Variants in NBAS observed in about 807,000 individuals in gnomAD.
The protein encoded by NBAS is NAG/BC035112 fusion.
A neutral mutation model predicts 302.5 loss-of-function variants in NBAS; 219 were observed. The ratio of observed to expected loss-of-function variants is 0.72; its 90% CI spans 0.65 to 0.81. The LOEUF is 0.81. Ranked by LOEUF, NBAS falls within the 30% of genes least tolerant of loss-of-function variation. The pLI is 0.00. For synonymous variants in NBAS, 1,118 were observed against 1,021.6 expected, an observed-to-expected ratio of 1.09 and a Z score of -1.80; for missense variants, 2,932 against 2,841.6, an observed-to-expected ratio of 1.03 and a Z score of -0.72.
chr2:14,906,354 G>A, the NBAS span, among the ~76,000 whole-genome samples: 1 of 152,202 alleles, frequency 6.6e-6, no homozygotes, highest in African/African-American at 2.4e-5. Flanking sequence ...AGATAAGCAA[G>A]ATCAAATAGC....
the NBAS span, among the ~76,000 whole-genome samples, chr2:14,976,796 A>C: frequency 6.6e-6 from 1 of 152,216 alleles, no homozygotes; most frequent in African/African-American, 2.4e-5. Context: ...AGATGAAGGC[A>C]GTGATTGAAG....
At chr2:15,002,031 C>T in the NBAS span, among the ~76,000 whole-genome samples, 3 of 152,106 alleles carry the variant, frequency 2.0e-5, no homozygotes, top group Admixed American at 6.5e-5. Flanking sequence ...TTTGACAGGG[C>T]GCTGATTGGT....
At chr2:14,893,436 A>G in the NBAS span, among the ~76,000 whole-genome samples, 1 of 151,266 alleles carries the variant, frequency 6.6e-6, no homozygotes, top group Non-Finnish European at 1.5e-5. Context: ...TTTAAGATGG[A>G]TTTCTTTCTT....
the NBAS span, among the ~76,000 whole-genome samples, chr2:14,906,869 C>T: frequency 3.0e-4 from 46 of 152,212 alleles, no homozygotes; most frequent in Non-Finnish European, 4.7e-4. Flanking sequence ...TTAATATTGA[C>T]GACAAGAGAC....
chr2:15,507,881 T>C (rs1016215406), intron 10 of NBAS, among the ~76,000 whole-genome samples: 3 of 152,204 alleles, frequency 2.0e-5, no homozygotes, highest in Admixed American at 6.5e-5. Context: ...AATACACATA[T>C]TGAATTTTGC....
chr2:15,067,249 G>A, the NBAS span, among the ~76,000 whole-genome samples: 54 of 151,708 alleles, frequency 3.6e-4, no homozygotes, highest in African/African-American at 1.2e-3. Flanking sequence ...GGAGGCTGAT[G>A]GGGGAGGATC....
intron 51 of NBAS, among the ~76,000 whole-genome samples, chr2:15,175,728 C>T (rs533280073): frequency 4.3e-4 from 65 of 152,268 alleles, no homozygotes; most frequent in African/African-American, 1.1e-3. Flanking sequence ...AAAGGTTACA[C>T]GCACCAGAGG....
the NBAS span, chr2:14,907,563 C>T: frequency 8.5e-5 from 13 of 152,262 alleles, no homozygotes; most frequent in Admixed American, 6.5e-4. Context: ...GCAAGCAGTT[C>T]TTTTCCTACC....
intron 38 of NBAS, among the ~76,000 whole-genome samples, chr2:15,316,192 C>T (rs1420882105): frequency 1.3e-5 from 2 of 152,200 alleles, no homozygotes; most frequent in African/African-American, 2.4e-5. Context: ...GAATATAAAG[C>T]ATTGTCTAAA....
chr2:15,020,935 AC>A, the NBAS span, among the ~76,000 whole-genome samples: 1 of 152,200 alleles, frequency 6.6e-6, no homozygotes, highest in Admixed American at 6.5e-5. Context: ...TGGGTGCTGT[AC>A]AAAAAGCTGA....
In NBAS at chr2:15,423,423, T is replaced by C. The variant is rs907182414; in HGVS notation, c.2577+892A>G. On this transcript the variant is annotated intron_variant, in intron 23 of 51. Coordinates refer to ENST00000281513, the MANE Select transcript of NBAS (RefSeq NM_015909.4). ...AGGTTAAGCAGAAATTCAAGAAATC[T>C]ATCATGTGGAAGCACATGGGTCATG... is the stretch of plus-strand genomic sequence containing the variant. 2.0e-5 allele frequency among the ~76,000 whole-genome samples: 3 copies of C among 152,144 alleles called. No homozygotes were observed. The South Asian group carries it at 6.2e-4, about 31-fold the overall frequency.
At chr2:14,857,537 T>G in the NBAS span, among the ~76,000 whole-genome samples, 1 of 152,260 alleles carries the variant, frequency 6.6e-6, no homozygotes, top group East Asian at 1.9e-4. Context: ...TACAGTGAAC[T>G]TATTTTGACA....
intron 11 of NBAS, among the ~76,000 whole-genome samples, chr2:15,495,824 T>C (rs951963590): frequency 3.3e-5 from 5 of 152,152 alleles, no homozygotes; most frequent in East Asian, 1.9e-4. Context: ...GGAAACACCA[T>C]ACTCTGACAT....
At chr2:14,898,477 C>T in the NBAS span, among the ~76,000 whole-genome samples, 45 of 152,242 alleles carry the variant, frequency 3.0e-4, no homozygotes, top group African/African-American at 9.1e-4. Context: ...GTTTCTAAGC[C>T]GCATAGTAAG....
At chr2:15,193,586 A>AT (rs1287919605) in intron 48 of NBAS, among the ~76,000 whole-genome samples, 1 of 152,120 alleles carries the variant, frequency 6.6e-6, no homozygotes, top group East Asian at 1.9e-4. Flanking sequence ...ATCCTTTAAG[A>AT]TTTTTTGCAA....
chr2:15,561,243 G>A lies in NBAS; in HGVS notation c.62C>T (p.Thr21Met), dbSNP rs1378549844. The A allele has an allele frequency of 5.6e-6, 9 of 1,613,890 alleles. No individual in the cohort carries two copies. The highest frequency in any genetic ancestry group is 6.8e-6 in the Non-Finnish European group (8 of 1,180,040). The change falls in exon 1 of 52, where the codon ACG (threonine) becomes ATG (methionine). Residue 21 changes from threonine to methionine, a missense_variant. Thr to Met is a moderately conservative substitution (Grantham distance 81). Coordinates refer to ENST00000281513, the MANE Select transcript of NBAS (RefSeq NM_015909.4). ...SPGTAEGEEE[T>M]ILYDLLVNTE... is the part of the protein sequence containing the mutation. ...GTTGACCAACAAGTCATAGAGAATC[G>A]TCTCCTCCTCACCCTCTGCAGTGCC...
chr2:15,386,995 A>C (rs1248366954), intron 28 of NBAS, among the ~76,000 whole-genome samples: 1 of 152,182 alleles, frequency 6.6e-6, no homozygotes, highest in Non-Finnish European at 1.5e-5. Context: ...CATAATACTG[A>C]CACAAAGTAT....
chr2:15,225,463 G>GA (rs936250814), intron 47 of NBAS, among the ~76,000 whole-genome samples: 14 of 151,638 alleles, frequency 9.2e-5, no homozygotes, highest in African/African-American at 2.9e-4. Flanking sequence ...CAGGAAGAAG[G>GA]AAAAAAAATC....
chr2:15,202,218 A>C (rs1286789021), intron 48 of NBAS, among the ~76,000 whole-genome samples: 2 of 152,210 alleles, frequency 1.3e-5, no homozygotes, highest in Non-Finnish European at 2.9e-5. Context: ...CACAGAATCC[A>C]ACAACTGCAA....
Sources: gnomAD v4.1 joint callset for allele counts (sites outside exome capture counted in the v4.1 genomes callset) on GRCh38, gnomAD v4.1.1 for gene constraint, MANE v1.5 for transcripts, NCBI Gene and HGNC (gene_info 2026-07-23, HGNC 2026-07-21) for gene names.